The following SPAG17 variants were observed in gnomAD, a reference collection of about 807,000 sequenced individuals.
SPAG17 encodes the protein sperm associated antigen 17.
Under a neutral mutation model 273.6 loss-of-function variants are expected in SPAG17, and 169 were observed. That is an observed-to-expected ratio of 0.62 (90% CI 0.55 to 0.70). The LOEUF (loss-of-function observed/expected upper bound fraction) is 0.70, where lower values mean the gene tolerates loss of function less well. Among genes scored for constraint, SPAG17 ranks in the 30% least tolerant of loss-of-function variants. The pLI is 0.00. For missense variants in SPAG17, 2,557 were observed against 2,627.8 expected, an observed-to-expected ratio of 0.97 and a Z score of 0.59; for synonymous variants, 825 against 873.2, an observed-to-expected ratio of 0.94 and a Z score of 0.97.
intron 37 of SPAG17, 93 bp downstream of exon 37, chr1:117,991,322 T>G: frequency 1.4e-6 from 1 of 694,570 alleles, no homozygotes; most frequent in East Asian, 3.0e-5. Context: ...TTCATGGAAG[T>G]GGCAGAAGCA....
At chr1:117,986,952 G>A (rs1656484172) in intron 40 of SPAG17, among the ~76,000 whole-genome samples, 1 of 148,676 alleles carries the variant, frequency 6.7e-6, no homozygotes, top group Non-Finnish European at 1.5e-5. Flanking sequence ...AATACCCACA[G>A]GAAAGGAGCA....
At chr1:118,032,550 C>T (rs972586647) in intron 24 of SPAG17, among the ~76,000 whole-genome samples, 5 of 151,706 alleles carry the variant, frequency 3.3e-5, no homozygotes, top group African/African-American at 1.2e-4. Context: ...ATCTCCTCTA[C>T]TTACTCTTTT....
At chr1:118,023,630 T>A (rs1464792460) in intron 27 of SPAG17, among the ~76,000 whole-genome samples, 167 bp from the exon 28 acceptor site, 1 of 152,132 alleles carries the variant, frequency 6.6e-6, no homozygotes, top group Non-Finnish European at 1.5e-5. Flanking sequence ...AAAGGTAGAT[T>A]TGGAGTTCAG....
intron 1 of SPAG17, among the ~76,000 whole-genome samples, chr1:118,164,287 C>T (rs1558056347): frequency 6.6e-6 from 1 of 152,188 alleles, no homozygotes; most frequent in Non-Finnish European, 1.5e-5. Flanking sequence ...CATAATCTCA[C>T]AGTCAGCATG....
intron 29 of SPAG17, among the ~76,000 whole-genome samples, chr1:118,014,049 T>A (rs944954249): frequency 6.6e-6 from 1 of 152,244 alleles, no homozygotes; most frequent in Non-Finnish European, 1.5e-5. Flanking sequence ...TTGTTTCATA[T>A]GCCAGTTTCT....
intron 20 of SPAG17, among the ~76,000 whole-genome samples, chr1:118,050,633 A>G (rs1650889030): frequency 6.6e-6 from 1 of 152,246 alleles, no homozygotes; most frequent in Non-Finnish European, 1.5e-5. Context: ...TGCCAAGAAC[A>G]CAAAATTGAG....
chr1:118,164,745 CTAACA>C (rs1401067979), intron 1 of SPAG17, among the ~76,000 whole-genome samples: 3 of 152,198 alleles, frequency 2.0e-5, no homozygotes, highest in Non-Finnish European at 4.4e-5. Flanking sequence ...CATTCTCTTC[CTAACA>C]TATTTCTAAC....
chr1:118,147,727 G>A (rs1178090253), intron 3 of SPAG17, among the ~76,000 whole-genome samples: 1 of 152,186 alleles, frequency 6.6e-6, no homozygotes, highest in Non-Finnish European at 1.5e-5. Flanking sequence ...GAGGCTGTGT[G>A]TACACAACAC....
intron 3 of SPAG17, among the ~76,000 whole-genome samples, chr1:118,136,721 G>C (rs1209568893): frequency 6.6e-6 from 1 of 152,128 alleles, no homozygotes; most frequent in East Asian, 1.9e-4. Flanking sequence ...CTTTCAGAAA[G>C]GGAAAGCACC....
At chr1:118,169,393 T>A (rs1167781910) in intron 1 of SPAG17, among the ~76,000 whole-genome samples, 1 of 152,198 alleles carries the variant, frequency 6.6e-6, no homozygotes, top group Non-Finnish European at 1.5e-5. Context: ...GAAAGCATAT[T>A]TCAGAAAATA....
At chr1:118,055,460 C>G (rs944783731) in intron 19 of SPAG17, among the ~76,000 whole-genome samples, 4 of 152,132 alleles carry the variant, frequency 2.6e-5, no homozygotes, top group African/African-American at 9.7e-5. Context: ...TGGCATTTCT[C>G]TAACATGTAA....
At chr1:118,143,664 T>C (rs182684194) in intron 3 of SPAG17, among the ~76,000 whole-genome samples, 45 of 152,362 alleles carry the variant, frequency 3.0e-4, no homozygotes, top group African/African-American at 1.1e-3. Flanking sequence ...TATGTAATTA[T>C]TGATTTTTCA....
At chr1:117,993,976 A>G (rs1379523004) in intron 35 of SPAG17, among the ~76,000 whole-genome samples, 2 of 152,210 alleles carry the variant, frequency 1.3e-5, no homozygotes, top group Non-Finnish European at 2.9e-5. Context: ...TTAGATGGTC[A>G]GTTCGTGCAT....
chr1:118,060,428 C>G (rs1374334131), intron 18 of SPAG17, among the ~76,000 whole-genome samples: 1 of 152,046 alleles, frequency 6.6e-6, no homozygotes, highest in Non-Finnish European at 1.5e-5. Context: ...GCTCTTCCTT[C>G]CCAACATTTT....
At chr1:118,035,164 T>C (rs941421366) in intron 24 of SPAG17, among the ~76,000 whole-genome samples, 1 of 152,204 alleles carries the variant, frequency 6.6e-6, no homozygotes, top group Non-Finnish European at 1.5e-5. Flanking sequence ...CAAAGACTTA[T>C]ACCTTCAACT....
intron 19 of SPAG17, among the ~76,000 whole-genome samples, chr1:118,055,020 T>A (rs1036293689): frequency 1.3e-5 from 2 of 152,200 alleles, no homozygotes; most frequent in African/African-American, 4.8e-5. Flanking sequence ...ACAAACTTAA[T>A]GAAACATGAT....
At chr1:118,050,593 C>T (rs1364206649) in intron 20 of SPAG17, among the ~76,000 whole-genome samples, 1 of 152,220 alleles carries the variant, frequency 6.6e-6, no homozygotes, top group African/African-American at 2.4e-5. Flanking sequence ...TAAATCCACA[C>T]ATGTACAGTC....
intron 1 of SPAG17, among the ~76,000 whole-genome samples, chr1:118,184,546 T>C (rs966187343): frequency 6.6e-5 from 10 of 152,190 alleles, no homozygotes; most frequent in Non-Finnish European, 1.5e-4. Context: ...AACTTTAATA[T>C]AGTGGGATCA....
At chr1:118,148,327 T>C (rs1173531592) in intron 3 of SPAG17, among the ~76,000 whole-genome samples, 1 of 152,150 alleles carries the variant, frequency 6.6e-6, no homozygotes, top group Non-Finnish European at 1.5e-5. Context: ...ATCCAAACAC[T>C]GAGCAACAGC....
Sources: gnomAD v4.1 joint callset for allele counts (sites outside exome capture counted in the v4.1 genomes callset) on GRCh38, gnomAD v4.1.1 for gene constraint, MANE v1.5 for transcripts, NCBI Gene and HGNC (gene_info 2026-07-23, HGNC 2026-07-21) for gene names.